The following FHIT variants were observed in gnomAD, a reference collection of about 807,000 sequenced individuals.
FHIT encodes the protein fragile histidine triad diadenosine triphosphatase.
A neutral mutation model predicts 17.9 loss-of-function variants in FHIT; 19 were observed. That is an observed-to-expected ratio of 1.06 (90% CI 0.74 to 1.56). The LOEUF is 1.56. FHIT is among the 40% of genes most tolerant of loss of function. FHIT has a pLI of 0.00. For synonymous variants in FHIT, 81 were observed against 69.7 expected, an observed-to-expected ratio of 1.16 and a Z score of -0.81; for missense variants, 248 against 189.2, an observed-to-expected ratio of 1.31 and a Z score of -1.82.
At chr3:60,221,639 C>T (rs1703965423) in intron 5 of FHIT, among the ~76,000 whole-genome samples, 2 of 152,156 alleles carry the variant, frequency 1.3e-5, no homozygotes, top group Admixed American at 6.5e-5. Flanking sequence ...ATTCTCATTA[C>T]TAAACCTGAA....
At chr3:60,756,950 T>C (rs1553718429) in intron 4 of FHIT, among the ~76,000 whole-genome samples, 4 of 152,162 alleles carry the variant, frequency 2.6e-5, no homozygotes, top group Non-Finnish European at 1.5e-5. Context: ...GGAAAGGGCA[T>C]TGTTCATTTG....
chr3:60,938,531 A>C (rs1430072493), intron 3 of FHIT, among the ~76,000 whole-genome samples: 2 of 152,220 alleles, frequency 1.3e-5, no homozygotes, highest in African/African-American at 4.8e-5. Context: ...AAAGACCAAT[A>C]CATTCATTCC....
chr3:61,170,041 G>T (rs2037957422), intron 2 of FHIT, among the ~76,000 whole-genome samples: 1 of 152,198 alleles, frequency 6.6e-6, no homozygotes, highest in Admixed American at 6.5e-5. Context: ...CTAAAGCCAG[G>T]CTAGAAAGAT....
chr3:60,614,616 A>C (rs1576974123), intron 4 of FHIT, among the ~76,000 whole-genome samples: 1 of 117,170 alleles, frequency 8.5e-6, no homozygotes, highest in African/African-American at 3.2e-5. Flanking sequence ...AAAAATTAAT[A>C]AATAAATAAA....
intron 8 of FHIT, among the ~76,000 whole-genome samples, chr3:59,754,732 T>C (rs537187071): frequency 2.6e-5 from 4 of 152,222 alleles, no homozygotes; most frequent in Non-Finnish European, 5.9e-5. Flanking sequence ...GATGGCAACA[T>C]TGTGCCAATC....
chr3:60,157,684 C>T (rs1407576323), intron 5 of FHIT, among the ~76,000 whole-genome samples: 1 of 152,160 alleles, frequency 6.6e-6, no homozygotes, highest in Non-Finnish European at 1.5e-5. Context: ...GAGGAAAGTG[C>T]ACAGTGAATA....
intron 7 of FHIT, among the ~76,000 whole-genome samples, chr3:59,981,337 T>G (rs1312873474): frequency 1.3e-5 from 2 of 152,268 alleles, no homozygotes; most frequent in East Asian, 1.9e-4. Flanking sequence ...TGTCTAAGTT[T>G]CAGAGTAATC....
At chr3:60,650,932 TCC>T (rs2039975169) in intron 4 of FHIT, among the ~76,000 whole-genome samples, 1 of 152,186 alleles carries the variant, frequency 6.6e-6, no homozygotes, top group Non-Finnish European at 1.5e-5. Flanking sequence ...TTAGTATAGT[TCC>T]TTCTAGGTTT....
intron 2 of FHIT, among the ~76,000 whole-genome samples, chr3:61,089,550 C>CA (rs2035413323): frequency 6.6e-6 from 1 of 151,968 alleles, no homozygotes; most frequent in Admixed American, 6.6e-5. Flanking sequence ...CATGTTGTAG[C>CA]ATGTATACTT....
Position 60,983,649 on chromosome 3 carries a change from A to G in FHIT, c.-111+58398T>C, listed in dbSNP as rs1169688702. 2.0e-5 allele frequency among the ~76,000 whole-genome samples: 3 copies of G among 152,192 alleles called. No homozygotes were observed. The East Asian group carries it at 5.8e-4, about 29-fold the overall frequency. ...GACCTGGCTCTGTAACCATGAGAGC[A>G]GCACAAACCAGGCAAGCATACAGAT... On this transcript the variant is annotated intron_variant, in intron 3 of 9. Transcript: ENST00000492590.
chr3:60,943,833 C>T (rs1454701178), intron 3 of FHIT, among the ~76,000 whole-genome samples: 1 of 152,112 alleles, frequency 6.6e-6, no homozygotes, highest in Non-Finnish European at 1.5e-5. Flanking sequence ...ATATATAACA[C>T]AGAAAATCCC....
chr3:60,344,852 A>G (rs1559838478), intron 5 of FHIT, among the ~76,000 whole-genome samples: 1 of 151,172 alleles, frequency 6.6e-6, no homozygotes, highest in Non-Finnish European at 1.5e-5. Flanking sequence ...ATATCATAAA[A>G]GTCTACATTT....
chr3:60,926,732 C>T (rs1707638155), intron 3 of FHIT, among the ~76,000 whole-genome samples: 1 of 151,974 alleles, frequency 6.6e-6, no homozygotes, highest in Non-Finnish European at 1.5e-5. Context: ...GATAGAGACA[C>T]AAAAAACCCT....
chr3:60,236,273 A>G (rs1704790228), intron 5 of FHIT, among the ~76,000 whole-genome samples: 2 of 149,698 alleles, frequency 1.3e-5, no homozygotes, highest in African/African-American at 4.9e-5. Context: ...TTTGCCACAC[A>G]TACTAGATGA....
chr3:61,020,750 G>A (rs373641221), intron 3 of FHIT, among the ~76,000 whole-genome samples: 21 of 152,162 alleles, frequency 1.4e-4, no homozygotes, highest in Admixed American at 7.9e-4. Flanking sequence ...GTCATGACCC[G>A]TGGGTGTGCT....
At chr3:61,055,575 C>G (rs1182612095) in intron 2 of FHIT, among the ~76,000 whole-genome samples, 1 of 152,204 alleles carries the variant, frequency 6.6e-6, no homozygotes, top group African/African-American at 2.4e-5. Context: ...ATATTTAGAA[C>G]CAAGTACTCT....
chr3:61,025,004 A>G (rs17685826), intron 3 of FHIT, among the ~76,000 whole-genome samples: 39,953 of 151,844 alleles, frequency 0.26, 6,141 homozygotes, highest in African/African-American at 0.43. Context: ...TGTCAGCAAA[A>G]AATATCCCTT....
chr3:61,032,727 T>C (rs896856242), intron 3 of FHIT, among the ~76,000 whole-genome samples: 4 of 152,212 alleles, frequency 2.6e-5, no homozygotes, highest in African/African-American at 9.6e-5. Context: ...GACAGTATAT[T>C]AGCCAGGCTT....
At chr3:60,934,528 G>C (rs1399255163) in intron 3 of FHIT, among the ~76,000 whole-genome samples, 1 of 152,188 alleles carries the variant, frequency 6.6e-6, no homozygotes, top group African/African-American at 2.4e-5. Flanking sequence ...GTGCAGGCAA[G>C]GATGACAGTT....
Sources: allele counts gnomAD v4.1 joint callset (sites outside exome capture counted in the v4.1 genomes callset), GRCh38; gene constraint gnomAD v4.1.1; transcripts MANE v1.5; gene names NCBI Gene and HGNC (gene_info 2026-07-23, HGNC 2026-07-21).